CATSPERT: variants seen among roughly 807,000 people sequenced by gnomAD.
CATSPERT encodes catsper channel auxiliary subunit tau.
the CATSPERT span, among the ~76,000 whole-genome samples, chr2:201,516,930 CTTTT>C: frequency 7.4e-6 from 1 of 135,516 alleles, no homozygotes; most frequent in Admixed American, 7.4e-5. Context: ...AATAGGAAGG[CTTTT>C]TTTTTTTTTT....
At chr2:201,527,900 T>G in the CATSPERT span, among the ~76,000 whole-genome samples, 3 of 151,786 alleles carry the variant, frequency 2.0e-5, no homozygotes, top group Non-Finnish European at 4.4e-5. Context: ...AAATAAAAAT[T>G]GACAAGTAGG....
At chr2:201,582,557 C>T in the CATSPERT span, among the ~76,000 whole-genome samples, 2 of 152,114 alleles carry the variant, frequency 1.3e-5, no homozygotes, top group Non-Finnish European at 2.9e-5. Flanking sequence ...TCTATTGAAA[C>T]TACACTATCA....
chr2:201,548,134 T>C, the CATSPERT span, among the ~76,000 whole-genome samples: 22 of 152,210 alleles, frequency 1.4e-4, no homozygotes, highest in East Asian at 4.1e-3. Context: ...ATGTGCCACG[T>C]TGGTTTGCTG....
chr2:201,590,148 A>AGG, the CATSPERT span, among the ~76,000 whole-genome samples: 1 of 82,344 alleles, frequency 1.2e-5, no homozygotes, highest in Non-Finnish European at 2.4e-5. Context: ...CCCCCACCCC[A>AGG]CAACAGTCCC....
the CATSPERT span, among the ~76,000 whole-genome samples, chr2:201,588,681 T>G: frequency 6.6e-6 from 1 of 151,496 alleles, no homozygotes; most frequent in African/African-American, 2.4e-5. Context: ...CAATTCCCTA[T>G]TCCCCTTAAA....
At chr2:201,602,385 A>G in the CATSPERT span, among the ~76,000 whole-genome samples, 1 of 152,136 alleles carries the variant, frequency 6.6e-6, no homozygotes, top group Non-Finnish European at 1.5e-5. Context: ...AGATTTAACT[A>G]TCTTCAAAAA....
At chr2:201,592,194 T>C in the CATSPERT span, among the ~76,000 whole-genome samples, 23 of 152,080 alleles carry the variant, frequency 1.5e-4, no homozygotes, top group Non-Finnish European at 4.4e-5. Flanking sequence ...GCATGAAAGG[T>C]TGTTGAATTT....
chr2:201,615,716 C>T, the CATSPERT span, among the ~76,000 whole-genome samples: 9 of 152,078 alleles, frequency 5.9e-5, no homozygotes, highest in East Asian at 1.2e-3. Context: ...CAGAGCAGAA[C>T]GGAAGGAGAT....
At chr2:201,611,338 G>T in the CATSPERT span, among the ~76,000 whole-genome samples, 4 of 152,212 alleles carry the variant, frequency 2.6e-5, no homozygotes, top group African/African-American at 9.6e-5. Context: ...TCACAAAGAC[G>T]TGGAAATTAA....
chr2:201,530,156 A>C, the CATSPERT span, among the ~76,000 whole-genome samples: 1 of 152,212 alleles, frequency 6.6e-6, no homozygotes, highest in South Asian at 2.1e-4. Flanking sequence ...ATTTGTGGGA[A>C]TATAAATTAG....
chr2:201,500,067 T>A, the CATSPERT span, among the ~76,000 whole-genome samples: 1 of 151,832 alleles, frequency 6.6e-6, no homozygotes, highest in Non-Finnish European at 1.5e-5. Context: ...GAACTTACAT[T>A]TTTTTAAGGG....
At chr2:201,574,586 G>A in the CATSPERT span, among the ~76,000 whole-genome samples, 1 of 152,038 alleles carries the variant, frequency 6.6e-6, no homozygotes, top group Non-Finnish European at 1.5e-5. Flanking sequence ...TCAAACATGT[G>A]TATGAATATA....
the CATSPERT span, among the ~76,000 whole-genome samples, chr2:201,573,021 A>G: frequency 1.3e-5 from 2 of 152,210 alleles, no homozygotes; most frequent in African/African-American, 2.4e-5. Flanking sequence ...CATTTCCCCT[A>G]TATAACAGCA....
At chr2:201,523,706 T>A in the CATSPERT span, among the ~76,000 whole-genome samples, 1 of 152,084 alleles carries the variant, frequency 6.6e-6, no homozygotes, top group South Asian at 2.1e-4. Context: ...TCATCAAGAT[T>A]CAGGAGAAAG....
chr2:201,617,183 T>G, the CATSPERT span, among the ~76,000 whole-genome samples: 1 of 152,200 alleles, frequency 6.6e-6, no homozygotes, highest in Non-Finnish European at 1.5e-5. Flanking sequence ...ACCAATGACT[T>G]TCTTCACAGA....
At chr2:201,609,352 T>C in the CATSPERT span, among the ~76,000 whole-genome samples, 1 of 152,162 alleles carries the variant, frequency 6.6e-6, no homozygotes, top group East Asian at 1.9e-4. Flanking sequence ...CTAACAGACA[T>C]TTACAGAATA....
chr2:201,580,603 T>C, the CATSPERT span, among the ~76,000 whole-genome samples: 4 of 152,224 alleles, frequency 2.6e-5, no homozygotes, highest in African/African-American at 7.2e-5. Context: ...TAATCTATGT[T>C]CAAGTTATTC....
At chr2:201,580,334 C>T in the CATSPERT span, among the ~76,000 whole-genome samples, 1 of 152,300 alleles carries the variant, frequency 6.6e-6, no homozygotes, top group Non-Finnish European at 1.5e-5. Context: ...TACTACGGCA[C>T]CATGCAAATA....
At chr2:201,548,974 G>A in the CATSPERT span, among the ~76,000 whole-genome samples, 3 of 151,770 alleles carry the variant, frequency 2.0e-5, no homozygotes, top group Non-Finnish European at 1.5e-5. Context: ...CAGGACCCCA[G>A]GAAATCTTAA....
Sources: allele counts gnomAD v4.1 joint callset (sites outside exome capture counted in the v4.1 genomes callset), GRCh38; gene constraint gnomAD v4.1.1; transcripts MANE v1.5; gene names NCBI Gene and HGNC (gene_info 2026-07-23, HGNC 2026-07-21).